The following THAP3 variants were observed in gnomAD, a reference collection of about 807,000 sequenced individuals.
THAP3 encodes the protein THAP domain-containing protein 3.
Under a neutral mutation model 17.7 loss-of-function variants are expected in THAP3, and 12 were observed. The ratio of observed to expected loss-of-function variants is 0.68; its 90% CI spans 0.43 to 1.10. THAP3 has a LOEUF of 1.10. Among genes scored for constraint, THAP3 ranks in the 50% least tolerant of loss-of-function variants. The pLI, the probability that THAP3 is intolerant of heterozygous loss-of-function variation, is 0.00. For synonymous variants in THAP3, 133 were observed against 126.9 expected, an observed-to-expected ratio of 1.05 and a Z score of -0.32; for missense variants, 289 against 318.0, an observed-to-expected ratio of 0.91 and a Z score of 0.69.
At position 6,633,546 on chromosome 1, in the gene THAP3, TAA is replaced by T. The variant is rs34933795; in HGVS notation, c.*471_*472del. 3 of 1,090,338 alleles carry T rather than the reference TAA, an allele frequency of 2.8e-6. No individual in the cohort carries two copies. Among genetic ancestry groups the T allele is most frequent in the Non-Finnish European group, 3.4e-6 (3 of 893,374 alleles). The allele number at this position is 1,090,338 out of a possible 1,614,324, so 67.5% of individuals were successfully genotyped here. On this transcript the variant is annotated 3_prime_UTR_variant, in exon 6 of 6. Coordinates refer to ENST00000054650, the MANE Select transcript of THAP3 (RefSeq NM_001195753.2). ...GGCCTGGTGTGAGTGGGCAGTGTAA[TAA>T]AGTGTCTTTCTATACGGTGTCGCTC...
At chr1:6,630,868 G>A (rs1641592403) in intron 4 of THAP3, among the ~76,000 whole-genome samples, 1 of 150,952 alleles carries the variant, frequency 6.6e-6, no homozygotes, top group Non-Finnish European at 1.5e-5. Flanking sequence ...CACCGCGCCT[G>A]GGCCCCCACT....
chr1:6,625,165 G>A lies in THAP3; in HGVS notation c.-54G>A, dbSNP rs1046057833. The A allele has an allele frequency of 1.5e-6, 2 of 1,338,258 alleles. No homozygotes were observed. Among genetic ancestry groups the A allele is most frequent in the Non-Finnish European group, 2.0e-6 (2 of 976,560 alleles). 82.9% of individuals were successfully genotyped at this position (1,338,258 alleles called of 1,614,324 possible). A position where few individuals can be genotyped will look rare whatever the true frequency, so the allele number is the denominator to read the frequency against. ...CTCCCCGCAGGTCCCTCCCCTCTCC[G>A]CAGGCCCCGCCGCCGCCGCCATCTT... On this transcript the variant is annotated 5_prime_UTR_variant, in exon 2 of 6. Transcript: ENST00000054650.
downstream of THAP3, chr1:6,635,430 C>T (rs141670351): frequency 1.0e-5 from 5 of 497,634 alleles, no homozygotes; most frequent in African/African-American, 1.9e-5. Context: ...AGGAACTGAT[C>T]CTTGGGAAAA....
Position 6,632,482 on chromosome 1 carries a change from G to T in THAP3, c.425G>T (p.Gly142Val). The T allele has an allele frequency of 1.2e-6, 2 of 1,614,160 alleles. No individual in the cohort carries two copies. Among genetic ancestry groups the T allele is most frequent in the Non-Finnish European group, 8.5e-7 (1 of 1,180,024 alleles). The part of the protein sequence containing the change: ...EELQLPPNAE[G>V]HVKQVSPRRP... ...CTTCAGTTGCCCCCAAATGCCGAAG[G>T]CCACGTAAAACAGGTAAGACTGAGT... The change falls in exon 5 of 6, where the codon GGC becomes GTC. Residue 142 changes from glycine to valine, a missense_variant. By Grantham distance (109) the Gly-to-Val change is moderately radical (BLOSUM62 -3). Transcript: ENST00000054650.
At position 6,628,576 on chromosome 1, in the gene THAP3, A is replaced by C; in HGVS notation, c.152A>C (p.His51Pro). 1 of 1,613,858 alleles carries C rather than the reference A, an allele frequency of 6.2e-7. No homozygotes were observed. Among genetic ancestry groups the C allele is most frequent in the South Asian group, 1.1e-5 (1 of 91,068 alleles). Residue 51 changes from histidine (H) to proline (P), a missense_variant, in exon 3 of 6, where the codon CAC becomes CCC. Transcript: ENST00000054650. Reference protein sequence around the residue: ...IGRGNFKPKQHTVICSEHFRP... With the variant: ...IGRGNFKPKQPTVICSEHFRP... ...CGGGGCAACTTCAAGCCCAAGCAGC[A>C]CACGGTCATCTGCTCCGAGCACTTC...
chr1:6,633,910 C>G, downstream of THAP3: 2 of 966,872 alleles, frequency 2.1e-6, no homozygotes, highest in Non-Finnish European at 3.1e-6. Context: ...GAGCGAGACT[C>G]AGTCTGAAAA....
chr1:6,634,813 G>A (rs1297188885), downstream of THAP3: 1 of 1,273,732 alleles, frequency 7.9e-7, no homozygotes, highest in Non-Finnish European at 1.0e-6. Context: ...CGGGCCTGGG[G>A]TCCACGCCTT....
intron 3 of THAP3, among the ~76,000 whole-genome samples, 156 bp from the exon 4 acceptor site, chr1:6,630,132 A>C (rs937946747): frequency 2.0e-5 from 3 of 152,208 alleles, no homozygotes; most frequent in African/African-American, 7.2e-5. Flanking sequence ...GGGCAGTGTG[A>C]GTTGGGCTGA....
downstream of THAP3, chr1:6,634,067 CTT>C (rs571671861): frequency 1.3e-4 from 209 of 1,613,754 alleles, no homozygotes; most frequent in African/African-American, 2.6e-3. Context: ...CACGTGAAGC[CTT>C]GTGGTTGAGT....
downstream of THAP3, chr1:6,633,903 C>T (rs1641698730): frequency 1.0e-5 from 9 of 898,946 alleles, no homozygotes; most frequent in Admixed American, 7.0e-5. Flanking sequence ...GGTGACAGAG[C>T]GAGACTCAGT....
At chr1:6,634,314 C>T (rs898451957), downstream of THAP3, 43 of 979,554 alleles carry the variant, frequency 4.4e-5, no homozygotes, top group Middle Eastern at 6.7e-4. Context: ...ACGCTCACCG[C>T]GGCTCGGGCC....
chr1:6,634,268 G>A (rs757022375), downstream of THAP3: 13 of 856,400 alleles, frequency 1.5e-5, no homozygotes, highest in Non-Finnish European at 1.4e-5. Flanking sequence ...CGGCAGAGGC[G>A]CACGGGAAGC....
downstream of THAP3, chr1:6,635,331 C>T (rs188694079): frequency 1.5e-4 from 36 of 247,872 alleles, no homozygotes; most frequent in Non-Finnish European, 7.9e-6. Context: ...CAGACACCTC[C>T]AGACCCAGCC....
At chr1:6,635,553 C>A, downstream of THAP3, 3 of 1,085,206 alleles carry the variant, frequency 2.8e-6, no homozygotes. Context: ...GATAATGGTA[C>A]CACCTTCTAT....
At chr1:6,627,689 C>T (rs1177222288) in intron 2 of THAP3, 1 of 152,322 alleles carries the variant, frequency 6.6e-6, no homozygotes, top group East Asian at 1.9e-4. Context: ...TTCTGATCCC[C>T]TTAACCTGCC....
chr1:6,631,350 G>A lies in THAP3; in HGVS notation c.333+997G>A, dbSNP rs201321851. 1.0e-3 allele frequency among the ~76,000 whole-genome samples: 157 copies of A among 152,238 alleles called. 4 individuals are homozygous for A. In the East Asian group the frequency reaches 0.022, roughly 21 times the overall value. The stretch of plus-strand genomic sequence containing the variant: ...TTTCTTAAAGTTCAGTTCCAGGGCC[G>A]GGCGAGGTGGCTCACGCTTATAATC... On this transcript the variant is annotated intron_variant, in intron 4 of 5. Transcript: ENST00000054650.
chr1:6,631,814 G>A (rs1459022315), intron 4 of THAP3, among the ~76,000 whole-genome samples: 3 of 152,104 alleles, frequency 2.0e-5, no homozygotes, highest in Non-Finnish European at 1.5e-5. Context: ...TTGAACCCAG[G>A]GGGCGGAGGT....
downstream of THAP3, chr1:6,634,253 A>G (rs1641708858): frequency 1.2e-6 from 1 of 868,532 alleles, no homozygotes; most frequent in Admixed American, 2.8e-5. Flanking sequence ...GCCCAGAAGC[A>G]CCTGCGGCAG....
At chr1:6,634,995 G>A, downstream of THAP3, 1 of 633,576 alleles carries the variant, frequency 1.6e-6, no homozygotes. Context: ...AGCCACCTGT[G>A]TCAGGGCTAG....
Sources: allele counts gnomAD v4.1 joint callset (sites outside exome capture counted in the v4.1 genomes callset), GRCh38; gene constraint gnomAD v4.1.1; transcripts MANE v1.5; gene names NCBI Gene and HGNC (gene_info 2026-07-23, HGNC 2026-07-21).